Variants in C14orf132 observed in about 807,000 individuals in gnomAD.
The protein encoded by C14orf132 is uncharacterized protein C14orf132.
A neutral mutation model predicts 5.8 loss-of-function variants in C14orf132; 6 were observed. The observed-to-expected ratio is 1.03, with a 90% CI of 0.57 to 2.04. C14orf132 has a LOEUF of 2.04. C14orf132 is among the 30% of genes most tolerant of loss of function. C14orf132 has a pLI of 0.00. For missense variants in C14orf132, 125 were observed against 115.8 expected (o/e 1.08, Z -0.37); for synonymous variants, 51 against 49.8 (o/e 1.02, Z -0.10).
chr14:96,069,699 C>A (rs941341525), intron 1 of C14orf132, among the ~76,000 whole-genome samples: 5 of 152,176 alleles, frequency 3.3e-5, no homozygotes, highest in Non-Finnish European at 5.9e-5. Flanking sequence ...CCATGAGTTA[C>A]TTATGTAATG....
rs1886627842 is a variant in C14orf132, at chr14:96,039,583, G to A, written c.27+56G>A. The A allele has an allele frequency of 1.4e-6, 2 of 1,468,436 alleles. No individual in the cohort carries two copies. Among genetic ancestry groups the A allele is most frequent in the Non-Finnish European group, 1.8e-6 (2 of 1,107,344 alleles). The allele number at this position is 1,468,436 out of a possible 1,614,324, so 91.0% of individuals were successfully genotyped here. A position where few individuals can be genotyped will look rare whatever the true frequency, so the allele number is the denominator to read the frequency against. ...GCCGCCAAGTTTGGGGAGGTTCGGG[G>A]CCACGGTCTCGCCCTCCACGCTGGG... On this transcript the variant is annotated intron_variant, in intron 1 of 1. Transcript: ENST00000555004. This position sits in a 1 kb window ranked among gnomAD's most constrained non-coding sequence, Gnocchi z 5.3.
At chr14:96,063,557 C>T (rs1887426958) in intron 1 of C14orf132, among the ~76,000 whole-genome samples, 1 of 152,150 alleles carries the variant, frequency 6.6e-6, no homozygotes, top group South Asian at 2.1e-4. Context: ...GATCCACCTG[C>T]CTCAGCCTCC....
chr14:96,054,359 A>G (rs1029228882), intron 1 of C14orf132, among the ~76,000 whole-genome samples: 2 of 152,194 alleles, frequency 1.3e-5, no homozygotes, highest in African/African-American at 4.8e-5. Context: ...CACTGATGGT[A>G]GTTATGATAC....
Position 96,056,004 on chromosome 14 carries a change from C to T in C14orf132, c.27+16477C>T, listed in dbSNP as rs374594788. 3.9e-5 allele frequency among the ~76,000 whole-genome samples: 6 copies of T among 152,248 alleles called. No homozygotes were observed. The South Asian group carries it at 8.3e-4, about 21-fold the overall frequency. On this transcript the variant is annotated intron_variant, in intron 1 of 1. Transcript: ENST00000555004. Reference sequence around the variant, plus strand: ...AGTGTCCTTTGTTACAAGGAACCCACCCCCTGGGATTTAAGAAATAATTAA... The same window carrying T: ...AGTGTCCTTTGTTACAAGGAACCCATCCCCTGGGATTTAAGAAATAATTAA...
At chr14:96,078,638 T>G (rs1887944748) in intron 1 of C14orf132, among the ~76,000 whole-genome samples, 1 of 152,192 alleles carries the variant, frequency 6.6e-6, no homozygotes, top group Admixed American at 6.5e-5. Context: ...GTTCTCATGT[T>G]GAGACAGGGA....
Position 96,091,315 on chromosome 14 carries a change from T to A in C14orf132, c.*4580T>A. 1 of 333,926 alleles carries A rather than the reference T, an allele frequency of 3.0e-6. No individual in the cohort carries two copies. Among genetic ancestry groups the A allele is most frequent in the Non-Finnish European group, 5.8e-6 (1 of 171,992 alleles). The allele number at this position is 333,926 out of a possible 1,614,324, so 20.7% of individuals were successfully genotyped here. On this transcript the variant is annotated 3_prime_UTR_variant, in exon 2 of 2. Transcript: ENST00000555004. ...AGTCCAGGAAAGGGGCAGGCGGCAG[T>A]GCACAGGGATTTATCAGTTCCAGAA...
intron 1 of C14orf132, among the ~76,000 whole-genome samples, chr14:96,063,623 T>C (rs1029576449): frequency 1.2e-4 from 18 of 152,140 alleles, no homozygotes; most frequent in African/African-American, 4.1e-4. Context: ...GGCATCCTTT[T>C]GAGGAACAAC....
chr14:96,055,235 C>T (rs1323081139), intron 1 of C14orf132, among the ~76,000 whole-genome samples: 3 of 152,208 alleles, frequency 2.0e-5, no homozygotes, highest in African/African-American at 7.2e-5. Context: ...TCCGCGCATG[C>T]CATGGGTTTG....
At chr14:96,048,206 A>C (rs983982690) in intron 1 of C14orf132, among the ~76,000 whole-genome samples, 1 of 151,332 alleles carries the variant, frequency 6.6e-6, no homozygotes, top group African/African-American at 2.4e-5. Flanking sequence ...AAAACAAAAC[A>C]CTCCAAAGTC....
rs1431607029 is a variant in C14orf132 at position 96,090,570 on chromosome 14, A to C, written c.*3835A>C. On this transcript the variant is annotated 3_prime_UTR_variant, in exon 2 of 2. Transcript: ENST00000555004. Reference sequence around the variant, plus strand: ...ATGATGGCGCAGCTCTTCCTACTCCAAGCCAATGCTGTCCTTCCCCTTTCC... The same window carrying C: ...ATGATGGCGCAGCTCTTCCTACTCCCAGCCAATGCTGTCCTTCCCCTTTCC... 1 of 455,874 alleles carries C rather than the reference A, an allele frequency of 2.2e-6. No individual in the cohort carries two copies. Among genetic ancestry groups the C allele is most frequent in the Admixed American group, 2.3e-5 (1 of 42,564 alleles). 28.2% of individuals were successfully genotyped at this position (455,874 alleles called of 1,614,324 possible).
At chr14:96,064,731 G>A (rs1335517353) in intron 1 of C14orf132, among the ~76,000 whole-genome samples, 1 of 151,848 alleles carries the variant, frequency 6.6e-6, no homozygotes, top group African/African-American at 2.4e-5. Context: ...TCTACTGCTC[G>A]GGTGATGAGT....
chr14:96,065,489 C>G (rs1014841935), intron 1 of C14orf132, among the ~76,000 whole-genome samples: 19 of 152,108 alleles, frequency 1.2e-4, no homozygotes, highest in African/African-American at 4.4e-4. Flanking sequence ...CTCCAGTATG[C>G]GTGTGCTCGC....
rs975001101 is a variant in C14orf132 at position 96,090,467 on chromosome 14, G to A, written c.*3732G>A. ...GAGGTTGTGAGTGGCCACCACTGAA[G>A]GTCTTTGAGAAGAGGCCAGACGCCG... On this transcript the variant is annotated 3_prime_UTR_variant, in exon 2 of 2. Coordinates refer to ENST00000555004, the MANE Select transcript of C14orf132 (RefSeq NM_001252507.3). 6.7e-5 allele frequency: 24 copies of A among 359,162 alleles called. No individual in the cohort carries two copies. Among genetic ancestry groups the A allele is most frequent in the Admixed American group, 5.1e-4 (14 of 27,360 alleles). The allele number at this position is 359,162 out of a possible 1,614,324, so 22.2% of individuals were successfully genotyped here.
rs1426660961 is a variant in C14orf132, at chr14:96,091,171, C to T, written c.*4436C>T. 1 of 382,642 alleles carries T rather than the reference C, an allele frequency of 2.6e-6. No individual in the cohort carries two copies. Among genetic ancestry groups the T allele is most frequent in the South Asian group, 2.0e-5 (1 of 50,494 alleles). The allele number at this position is 382,642 out of a possible 1,614,324, so 23.7% of individuals were successfully genotyped here. A position where few individuals can be genotyped will look rare whatever the true frequency, so the allele number is the denominator to read the frequency against. The stretch of plus-strand genomic sequence containing the variant: ...TTCTGTCAGCTCTAGAGGCACCCTG[C>T]ATCATGCCCACCAGGGTGATCCCCC... On this transcript the variant is annotated 3_prime_UTR_variant, in exon 2 of 2. Transcript: ENST00000555004.
Position 96,062,903 on chromosome 14 carries a change from CT to C in C14orf132, c.27+23378del, listed in dbSNP as rs768006900. Among the ~76,000 whole-genome samples the C allele has an allele frequency of 1.9e-4, 29 of 152,100 alleles. 1 individual carries two copies. Among genetic ancestry groups the C allele is most frequent in the Admixed American group, 6.5e-5 (1 of 15,286 alleles). On this transcript the variant is annotated intron_variant, in intron 1 of 1. Transcript: ENST00000555004. ...GGTTACTTATGGAGCATAATATAGACTTGATTTTGCCCAAACAAGCCACTGA... is the reference window on the plus strand; with the variant it reads ...GGTTACTTATGGAGCATAATATAGACTGATTTTGCCCAAACAAGCCACTGA...
intron 1 of C14orf132, among the ~76,000 whole-genome samples, chr14:96,083,216 T>C (rs774932674): frequency 6.6e-6 from 1 of 152,198 alleles, no homozygotes; most frequent in Non-Finnish European, 1.5e-5. Context: ...TCACTTTTTT[T>C]GTATGTTAAG....
intron 1 of C14orf132, among the ~76,000 whole-genome samples, chr14:96,076,975 A>G (rs1887887949): frequency 6.6e-6 from 1 of 151,876 alleles, no homozygotes; most frequent in African/African-American, 2.4e-5. Flanking sequence ...TCTGTTATTG[A>G]CTCCTAGTTT....
intron 1 of C14orf132, among the ~76,000 whole-genome samples, chr14:96,068,051 A>G (rs1400443105): frequency 6.6e-6 from 1 of 152,118 alleles, no homozygotes; most frequent in African/African-American, 2.4e-5. Flanking sequence ...ATTAGCTTTC[A>G]TTTTTATTTC....
At chr14:96,053,102 C>CCA (rs1887076136) in intron 1 of C14orf132, among the ~76,000 whole-genome samples, 23 of 152,340 alleles carry the variant, frequency 1.5e-4, no homozygotes, top group Admixed American at 1.4e-3. Context: ...GATGGCTGGT[C>CCA]ACCCTACCCA....
Sources: allele counts gnomAD v4.1 joint callset (sites outside exome capture counted in the v4.1 genomes callset), GRCh38; gene constraint gnomAD v4.1.1; non-coding constraint Gnocchi (gnomAD v3.1); transcripts MANE v1.5; gene names NCBI Gene and HGNC (gene_info 2026-07-23, HGNC 2026-07-21).